OTUD7B: variants seen among roughly 807,000 people sequenced by gnomAD.
OTUD7B encodes the protein OTU deubiquitinase 7B.
In OTUD7B, 34 loss-of-function variants were observed where a neutral mutation model predicts 82.2. That is an observed-to-expected ratio of 0.41 (90% CI 0.31 to 0.55). OTUD7B has a LOEUF of 0.55. Among genes scored for constraint, OTUD7B ranks in the 20% least tolerant of loss-of-function variants. The probability of loss-of-function intolerance (pLI) is 0.20; values close to 1 mark genes in which losing one functional copy is unlikely to be tolerated. For missense variants in OTUD7B, 944 were observed against 1,062.1 expected (o/e 0.89, Z 1.55); for synonymous variants, 398 against 402.7 (o/e 0.99, Z 0.14).
At chr1:149,982,252 G>A (rs1236860662) in intron 1 of OTUD7B, among the ~76,000 whole-genome samples, 3 of 150,114 alleles carry the variant, frequency 2.0e-5, no homozygotes, top group African/African-American at 2.4e-5. Context: ...TATAAACAGA[G>A]AAAAAAAAAG....
chr1:150,006,233 G>A (rs369939981), intron 1 of OTUD7B, among the ~76,000 whole-genome samples: 9 of 152,260 alleles, frequency 5.9e-5, no homozygotes, highest in South Asian at 4.1e-4. Context: ...CGAGTCAGGC[G>A]GATCACGAGG....
chr1:150,041,350 C>T, the OTUD7B span, among the ~76,000 whole-genome samples: 1 of 151,732 alleles, frequency 6.6e-6, no homozygotes, highest in Non-Finnish European at 1.5e-5. Context: ...TTGTTTGTTT[C>T]GAGACAGAGT....
chr1:150,020,289 A>C, the OTUD7B span, among the ~76,000 whole-genome samples: 7 of 152,148 alleles, frequency 4.6e-5, no homozygotes, highest in African/African-American at 1.7e-4. Context: ...TAATCCCAGC[A>C]CTTTGGGAGG....
At chr1:150,003,565 T>C (rs1381851334) in intron 1 of OTUD7B, among the ~76,000 whole-genome samples, 5 of 152,184 alleles carry the variant, frequency 3.3e-5, no homozygotes, top group African/African-American at 1.2e-4. Context: ...TGCATACTTC[T>C]ATCACAGCAT....
chr1:149,978,842 G>A (rs587757158), intron 1 of OTUD7B, among the ~76,000 whole-genome samples: 1 of 152,132 alleles, frequency 6.6e-6, no homozygotes, highest in Non-Finnish European at 1.5e-5. Flanking sequence ...GCTTTCTATA[G>A]AAGACTCATT....
At chr1:150,041,493 C>T in the OTUD7B span, among the ~76,000 whole-genome samples, 1 of 152,036 alleles carries the variant, frequency 6.6e-6, no homozygotes, top group Non-Finnish European at 1.5e-5. Flanking sequence ...CCACCACACC[C>T]GGCTAATTTT....
intron 6 of OTUD7B, 143 bp downstream of exon 6, chr1:149,964,079 C>T: frequency 1.1e-6 from 1 of 916,390 alleles, no homozygotes; most frequent in East Asian, 2.4e-5. Flanking sequence ...TTGGTGTTAA[C>T]TGCATTTTCT....
Position 149,978,391 on chromosome 1 carries a change from T to C in OTUD7B, c.-66-815A>G, listed in dbSNP as rs144830380. On this transcript the variant is annotated intron_variant, in intron 1 of 11. Transcript: ENST00000581312. ...GCATGATGGCGGGCACCTGTAATCC[T>C]AGCTACTCGGGAGGCTGAGGCAGGA... is the stretch of plus-strand genomic sequence containing the variant. Among the ~76,000 whole-genome samples the C allele has an allele frequency of 7.2e-3, 1,090 of 152,112 alleles. 6 individuals carry two copies. Among genetic ancestry groups the C allele is most frequent in the Non-Finnish European group, 0.012 (808 of 67,978 alleles).
the OTUD7B span, among the ~76,000 whole-genome samples, chr1:150,064,801 G>A: frequency 6.6e-6 from 1 of 152,106 alleles, no homozygotes; most frequent in Admixed American, 6.5e-5. Context: ...TTAACATGAA[G>A]CAACAAGGAT....
At chr1:150,060,929 T>A in the OTUD7B span, among the ~76,000 whole-genome samples, 1 of 152,210 alleles carries the variant, frequency 6.6e-6, no homozygotes, top group South Asian at 2.1e-4. Flanking sequence ...TCTTTTCTTT[T>A]CTTTTTTTTC....
Position 149,943,958 on chromosome 1 carries a change from C to T in OTUD7B, c.2431G>A (p.Gly811Arg). Residue 811 changes from glycine (G) to arginine (R), a missense_variant, in exon 12 of 12, where the codon GGA becomes AGA. Gly to Arg is a moderately radical substitution (Grantham distance 125, BLOSUM62 -2). Around this residue, in one of 3 missense-constraint regions of OTUD7B, gnomAD observed 412 missense variants for 418.7 expected, o/e 0.98. Coordinates refer to ENST00000581312, the MANE Select transcript of OTUD7B (RefSeq NM_020205.4). ...CAGAAGTTGTTTGTCTCAGGGTGTCCATAGAAGCTGCAGTTCGGTTGTTTG... is the reference window on the plus strand; with the variant it reads ...CAGAAGTTGTTTGTCTCAGGGTGTCTATAGAAGCTGCAGTTCGGTTGTTTG... ...KCKQPNCSFYGHPETNNFCSC... is the reference protein window; with the variant it reads ...KCKQPNCSFYRHPETNNFCSC... The T allele has an allele frequency of 6.2e-7, 1 of 1,614,222 alleles. No homozygotes were observed. Among genetic ancestry groups the T allele is most frequent in the Non-Finnish European group, 8.5e-7 (1 of 1,180,034 alleles).
chr1:150,033,746 A>C, the OTUD7B span, among the ~76,000 whole-genome samples: 3 of 152,094 alleles, frequency 2.0e-5, no homozygotes, highest in Non-Finnish European at 4.4e-5. Context: ...TTTTTTTGAG[A>C]TGGAATCTCG....
chr1:149,992,498 C>CA lies in OTUD7B; in HGVS notation c.-66-14923dup, dbSNP rs1553782378. 1.0e-4 allele frequency among the ~76,000 whole-genome samples: 2 copies of CA among 19,568 alleles called. 1 individual carries two copies. The highest frequency in any genetic ancestry group is 2.6e-4 in the Non-Finnish European group (2 of 7,686). 12.8% of individuals were successfully genotyped at this position (19,568 alleles called of 152,430 possible). On this transcript the variant is annotated intron_variant, in intron 1 of 11. Coordinates refer to ENST00000581312, the MANE Select transcript of OTUD7B (RefSeq NM_020205.4). ...TTTTTTTTTTTTTTTTTTTTTAGTA[C>CA]AGAGTCTCACTCTGTCACCCAGGCT...
intron 7 of OTUD7B, among the ~76,000 whole-genome samples, chr1:149,952,960 T>C (rs1052302441): frequency 1.3e-5 from 2 of 152,240 alleles, no homozygotes; most frequent in Admixed American, 1.3e-4. Flanking sequence ...CTTTGTCAGA[T>C]GGGTAGATTG....
At chr1:150,003,731 G>A (rs587596622) in intron 1 of OTUD7B, among the ~76,000 whole-genome samples, 1 of 152,116 alleles carries the variant, frequency 6.6e-6, no homozygotes, top group African/African-American at 2.4e-5. Flanking sequence ...ACGTGTTTAG[G>A]TTTATCAGTA....
rs377744292 is a variant in OTUD7B at position 150,002,402 on chromosome 1, C to G, written c.-67+8046G>C. On this transcript the variant is annotated intron_variant, in intron 1 of 11. Coordinates refer to ENST00000581312, the MANE Select transcript of OTUD7B (RefSeq NM_020205.4). ...ATCTGAATCACTACAGCTGAAAAAT[C>G]CTAACACCTCATTCAGCCCAGTCCA... 5.5e-4 allele frequency among the ~76,000 whole-genome samples: 84 copies of G among 152,254 alleles called. No homozygotes were observed. The South Asian group carries it at 0.017, about 31-fold the overall frequency.
At chr1:150,015,467 T>C (rs1182648188), upstream of OTUD7B, among the ~76,000 whole-genome samples, 3 of 151,744 alleles carry the variant, frequency 2.0e-5, no homozygotes, top group Non-Finnish European at 1.5e-5. Flanking sequence ...CTAATTTTTG[T>C]ACTTTTAGTA....
chr1:149,952,529 T>A (rs1275376977), intron 7 of OTUD7B, among the ~76,000 whole-genome samples: 1 of 152,208 alleles, frequency 6.6e-6, no homozygotes, highest in African/African-American at 2.4e-5. Context: ...TATGTCTTTA[T>A]AGCAGCATGA....
the OTUD7B span, among the ~76,000 whole-genome samples, chr1:150,053,007 TC>T: frequency 6.6e-6 from 1 of 152,036 alleles, no homozygotes; most frequent in Non-Finnish European, 1.5e-5. Context: ...GAAACTGGAC[TC>T]CTTCTTTACA....
Sources: allele counts gnomAD v4.1 joint callset (sites outside exome capture counted in the v4.1 genomes callset), GRCh38; gene constraint gnomAD v4.1.1; regional missense constraint gnomAD v4.1.1; transcripts MANE v1.5; gene names NCBI Gene and HGNC (gene_info 2026-07-23, HGNC 2026-07-21).